Variants in DDX4 observed in about 807,000 individuals in gnomAD.
DDX4 encodes probable ATP-dependent RNA helicase DDX4.
A neutral mutation model predicts 100.0 loss-of-function variants in DDX4; 25 were observed. That is an observed-to-expected ratio of 0.25 (90% CI 0.18 to 0.35). The LOEUF (loss-of-function observed/expected upper bound fraction) is 0.35, where lower values mean the gene tolerates loss of function less well. DDX4 is among the 10% of genes least tolerant of loss of function. The pLI is 1.00. For missense variants in DDX4, 635 were observed against 882.4 expected (o/e 0.72, Z 3.55); for synonymous variants, 259 against 275.7 (o/e 0.94, Z 0.60).
At chr5:55,794,662 T>C (rs1742810525) in intron 17 of DDX4, among the ~76,000 whole-genome samples, 1 of 152,320 alleles carries the variant, frequency 6.6e-6, no homozygotes, top group Admixed American at 6.5e-5. Context: ...CAGTCAGTAA[T>C]ATTTGTCGAG....
chr5:55,750,252 G>C (rs1759471382), intron 3 of DDX4: 2 of 157,268 alleles, frequency 1.3e-5, no homozygotes, highest in South Asian at 4.1e-4. Context: ...AAGTCGTTTT[G>C]ATATTGAAGG....
intron 2 of DDX4, among the ~76,000 whole-genome samples, chr5:55,744,069 T>G (rs900101290): frequency 2.5e-4 from 38 of 152,284 alleles, no homozygotes; most frequent in African/African-American, 9.1e-4. Context: ...CTGTAGCAAT[T>G]ACCAAAACCC....
At chr5:55,796,823 C>CTTTTTTTTTTTTTTTTTTTCTTTTTTT (rs1742981714) in intron 17 of DDX4, among the ~76,000 whole-genome samples, 1 of 59,936 alleles carries the variant, frequency 1.7e-5, no homozygotes, top group Non-Finnish European at 3.2e-5. Flanking sequence ...TTCTTTCTTT[C>CTTTTTTTTTTTTTTTTTTTCTTTTTTT]TTTTTTTTTT....
chr5:55,795,261 G>A (rs776844886), intron 17 of DDX4, among the ~76,000 whole-genome samples: 6 of 152,096 alleles, frequency 3.9e-5, no homozygotes, highest in Non-Finnish European at 7.4e-5. Context: ...CACCGCACCC[G>A]GCCCAGACTT....
At chr5:55,796,443 A>T (rs893749513) in intron 17 of DDX4, among the ~76,000 whole-genome samples, 3 of 152,208 alleles carry the variant, frequency 2.0e-5, no homozygotes, top group Non-Finnish European at 4.4e-5. Flanking sequence ...TGGCTTTTTA[A>T]CCTGTCTCCC....
intron 13 of DDX4, among the ~76,000 whole-genome samples, chr5:55,786,079 A>G (rs1052432894): frequency 1.3e-5 from 2 of 152,334 alleles, no homozygotes; most frequent in Admixed American, 1.3e-4. Context: ...CCCACTCCCC[A>G]TACCAGGATG....
intron 10 of DDX4, among the ~76,000 whole-genome samples, chr5:55,783,154 T>C (rs189412181): frequency 6.6e-6 from 1 of 152,192 alleles, no homozygotes; most frequent in East Asian, 1.9e-4. Context: ...CTCTCCAGAC[T>C]AGTAAATCAA....
chr5:55,755,748 A>G (rs1759887334), intron 3 of DDX4, among the ~76,000 whole-genome samples: 1 of 152,034 alleles, frequency 6.6e-6, no homozygotes, highest in South Asian at 2.1e-4. Context: ...AGCATAATGT[A>G]CACATAGATT....
At position 55,815,184 on chromosome 5, in the gene DDX4, T is replaced by G; in HGVS notation, c.1986+13T>G. 1 of 1,611,718 alleles carries G rather than the reference T, an allele frequency of 6.2e-7. No homozygotes were observed. The highest frequency in any genetic ancestry group is 1.3e-5 in the African/African-American group (1 of 74,838). ...AGTATTGACAGATGTAAGTTAAACT[T>G]TTATGATGGAATGGATAGTTTTCTT... On this transcript the variant is annotated intron_variant, in intron 20 of 21. Transcript: ENST00000505374.
intron 17 of DDX4, among the ~76,000 whole-genome samples, chr5:55,797,733 A>G (rs921879931): frequency 2.6e-5 from 4 of 152,192 alleles, no homozygotes; most frequent in Non-Finnish European, 5.9e-5. Flanking sequence ...TTTCTATGTG[A>G]TCTAAAGCAA....
chr5:55,811,130 GA>G (rs1013237723), intron 18 of DDX4, among the ~76,000 whole-genome samples: 1 of 150,350 alleles, frequency 6.7e-6, no homozygotes, highest in Non-Finnish European at 1.5e-5. Flanking sequence ...TGGCTCTGAG[GA>G]AAAAAAACTC....
chr5:55,787,573 G>C (rs1229547743), intron 14 of DDX4, among the ~76,000 whole-genome samples: 1 of 152,132 alleles, frequency 6.6e-6, no homozygotes, highest in African/African-American at 2.4e-5. Context: ...TAATGTTGTT[G>C]ATCTGTTTAG....
At chr5:55,762,180 G>A (rs1264538889) in intron 4 of DDX4, among the ~76,000 whole-genome samples, 1 of 152,124 alleles carries the variant, frequency 6.6e-6, no homozygotes, top group Non-Finnish European at 1.5e-5. Flanking sequence ...AGGTAAGTAA[G>A]ACAGTATATA....
intron 4 of DDX4, among the ~76,000 whole-genome samples, chr5:55,761,862 G>A (rs1194850685): frequency 3.3e-5 from 5 of 151,912 alleles, no homozygotes; most frequent in African/African-American, 4.8e-5. Flanking sequence ...CACCTGCCTC[G>A]GCCTCCCAGT....
chr5:55,738,108 G>C lies in DDX4; in HGVS notation c.-15+7G>C, dbSNP rs1215483544. 6.6e-6 allele frequency: 1 copy of C among 152,324 alleles called. No individual in the cohort carries two copies. The highest frequency in any genetic ancestry group is 1.5e-5 in the Non-Finnish European group (1 of 68,110). 9.4% of individuals were successfully genotyped at this position (152,324 alleles called of 1,614,324 possible). Reference sequence around the variant, plus strand: ...GAGAGCAAGCCGCGGAGAGGTGAGTGGGCCGCTTTTCTACGGGAACTGGCC... The same window carrying C: ...GAGAGCAAGCCGCGGAGAGGTGAGTCGGCCGCTTTTCTACGGGAACTGGCC... On this transcript the variant is annotated splice_region_variant and intron_variant, in intron 1 of 21. Coordinates refer to ENST00000505374, the MANE Select transcript of DDX4 (RefSeq NM_024415.3).
chr5:55,793,912 C>T (rs963423961), intron 17 of DDX4, among the ~76,000 whole-genome samples: 1 of 152,182 alleles, frequency 6.6e-6, no homozygotes, highest in Non-Finnish European at 1.5e-5. Context: ...CCTGTCCCAA[C>T]ACCTCTTTTG....
intron 7 of DDX4, 93 bp from the exon 8 acceptor site, chr5:55,779,871 G>A: frequency 6.7e-7 from 1 of 1,492,958 alleles, no homozygotes; most frequent in Non-Finnish European, 9.0e-7. Context: ...TAAAGTTACT[G>A]AATTATTCAA....
At chr5:55,753,524 G>A (rs184030746) in intron 3 of DDX4, among the ~76,000 whole-genome samples, 1 of 152,078 alleles carries the variant, frequency 6.6e-6, no homozygotes, top group African/African-American at 2.4e-5. Flanking sequence ...CTGTTCCATT[G>A]GTCTATATCT....
chr5:55,774,155 T>C (rs1032249405), intron 7 of DDX4, among the ~76,000 whole-genome samples: 1 of 151,788 alleles, frequency 6.6e-6, no homozygotes, highest in Admixed American at 6.6e-5. Flanking sequence ...CTAATTTTTT[T>C]TTTTTTGTTT....
Sources: allele counts gnomAD v4.1 joint callset (sites outside exome capture counted in the v4.1 genomes callset), GRCh38; gene constraint gnomAD v4.1.1; transcripts MANE v1.5; gene names NCBI Gene and HGNC (gene_info 2026-07-23, HGNC 2026-07-21).